AATF: variants seen among roughly 807,000 people sequenced by gnomAD.
AATF encodes the protein protein AATF.
AATF carries 48 observed loss-of-function variants against 63.7 expected under a neutral mutation model. The ratio of observed to expected loss-of-function variants is 0.75; its 90% confidence interval spans 0.60 to 0.96. AATF has a LOEUF of 0.96. AATF is among the 40% of genes least tolerant of loss of function. The pLI is 0.00. For missense variants in AATF, 639 were observed against 685.7 expected, an observed-to-expected ratio of 0.93 and a Z score of 0.76; for synonymous variants, 258 against 247.7, an observed-to-expected ratio of 1.04 and a Z score of -0.39.
At chr17:37,002,063 G>C (rs545789039) in intron 8 of AATF, among the ~76,000 whole-genome samples, 1 of 151,888 alleles carries the variant, frequency 6.6e-6, no homozygotes, top group African/African-American at 2.4e-5. Flanking sequence ...TTAGCCAGGC[G>C]TGGTGGTGTA....
intron 8 of AATF, among the ~76,000 whole-genome samples, chr17:37,018,118 A>C (rs1488493869): frequency 6.6e-6 from 1 of 152,256 alleles, no homozygotes; most frequent in East Asian, 1.9e-4. Context: ...CTTTCTCTGC[A>C]TATAGCACTT....
chr17:36,970,347 C>G (rs2071029367), intron 4 of AATF, among the ~76,000 whole-genome samples: 1 of 152,160 alleles, frequency 6.6e-6, no homozygotes, highest in Non-Finnish European at 1.5e-5. Context: ...GCTATCCTGT[C>G]TCTCATTCTT....
At chr17:37,049,181 G>A (rs1013824319) in intron 11 of AATF, among the ~76,000 whole-genome samples, 6 of 152,154 alleles carry the variant, frequency 3.9e-5, no homozygotes, top group African/African-American at 1.4e-4. Flanking sequence ...AACCAACTCT[G>A]ACAGCACCTT....
At chr17:37,018,803 T>C (rs1221182076) in intron 8 of AATF, 3 of 573,188 alleles carry the variant, frequency 5.2e-6, no homozygotes, top group Admixed American at 6.4e-5. Flanking sequence ...TGTTCTCAGC[T>C]ACTGCTATAG....
intron 11 of AATF, among the ~76,000 whole-genome samples, chr17:37,040,158 C>G (rs1357179890): frequency 6.6e-6 from 1 of 152,120 alleles, no homozygotes; most frequent in East Asian, 1.9e-4. Flanking sequence ...TTAATCACAG[C>G]TAAGTAACTG....
chr17:36,985,720 A>G (rs1289617219), intron 4 of AATF, among the ~76,000 whole-genome samples: 1 of 145,732 alleles, frequency 6.9e-6, no homozygotes, highest in Non-Finnish European at 1.5e-5. Context: ...ATTTTTTTGT[A>G]TTTTTTTTTT....
intron 4 of AATF, among the ~76,000 whole-genome samples, chr17:36,975,282 T>C (rs748440892): frequency 3.3e-5 from 5 of 152,174 alleles, no homozygotes; most frequent in Non-Finnish European, 5.9e-5. Flanking sequence ...ATTTGCTTTT[T>C]TTTCTTTTTG....
chr17:36,956,994 G>C (rs1218479428), intron 4 of AATF, among the ~76,000 whole-genome samples: 4 of 151,948 alleles, frequency 2.6e-5, no homozygotes, highest in African/African-American at 7.3e-5. Flanking sequence ...AAAAAAGAGA[G>C]AGAGAGAGAA....
intron 11 of AATF, among the ~76,000 whole-genome samples, chr17:37,050,925 G>T (rs1051836854): frequency 6.6e-6 from 1 of 152,174 alleles, no homozygotes; most frequent in Non-Finnish European, 1.5e-5. Context: ...GGCAAATTAT[G>T]TGTATCATTT....
intron 10 of AATF, 105 bp from the exon 11 acceptor site, chr17:37,031,509 A>G: frequency 1.1e-6 from 1 of 943,490 alleles, no homozygotes; most frequent in East Asian, 2.4e-5. Flanking sequence ...TTGTACCCAG[A>G]TGTTCCAGTG....
At chr17:37,056,191 T>C (rs2071796476) in intron 11 of AATF, 1 of 163,476 alleles carries the variant, frequency 6.1e-6, no homozygotes, top group African/African-American at 2.4e-5. Context: ...ATTTTCATTG[T>C]TTTTCAAGTA....
intron 8 of AATF, among the ~76,000 whole-genome samples, chr17:37,003,558 C>T: frequency 6.7e-6 from 1 of 150,004 alleles, no homozygotes; most frequent in African/African-American, 2.5e-5. Flanking sequence ...CTTCTGCCTC[C>T]CAGGCTCAAG....
At chr17:36,987,776 G>A (rs530717494) in intron 5 of AATF, among the ~76,000 whole-genome samples, 1 of 152,272 alleles carries the variant, frequency 6.6e-6, no homozygotes, top group Admixed American at 6.5e-5. Context: ...CTTGTATTTG[G>A]TTCAACTAAT....
intron 4 of AATF, among the ~76,000 whole-genome samples, chr17:36,966,597 A>T (rs1019317023): frequency 2.0e-5 from 3 of 152,028 alleles, no homozygotes; most frequent in Non-Finnish European, 4.4e-5. Context: ...CATATTTTTA[A>T]TCTTTAAGGG....
At chr17:37,056,252 C>T (rs2071796862) in intron 11 of AATF, 1 of 222,948 alleles carries the variant, frequency 4.5e-6, no homozygotes, top group African/African-American at 2.3e-5. Flanking sequence ...CCCCTACATC[C>T]CATGTCTGAT....
chr17:37,010,444 C>T (rs564404308), intron 8 of AATF, among the ~76,000 whole-genome samples: 217 of 152,178 alleles, frequency 1.4e-3, no homozygotes, highest in African/African-American at 4.7e-3. Context: ...GGCGACAGAG[C>T]GAGACTCCAT....
intron 11 of AATF, 22 bp from the exon 12 acceptor site, chr17:37,056,579 G>C (rs948695388): frequency 1.2e-6 from 2 of 1,613,872 alleles, no homozygotes; most frequent in Non-Finnish European, 1.7e-6. Flanking sequence ...GTGTTAACCA[G>C]TTTGCTGTGT....
At chr17:36,995,553 T>C (rs1399656708) in intron 8 of AATF, among the ~76,000 whole-genome samples, 1 of 152,090 alleles carries the variant, frequency 6.6e-6, no homozygotes, top group Non-Finnish European at 1.5e-5. Context: ...TTGTTTTTAT[T>C]TATCGATTTA....
At chr17:37,016,981 G>A (rs145739090) in intron 8 of AATF, among the ~76,000 whole-genome samples, 5 of 152,362 alleles carry the variant, frequency 3.3e-5, no homozygotes, top group East Asian at 3.9e-4. Context: ...ACTTGTGTGC[G>A]AAAATGCAGC....
Sources: allele counts gnomAD v4.1 joint callset (sites outside exome capture counted in the v4.1 genomes callset), GRCh38; gene constraint gnomAD v4.1.1; transcripts MANE v1.5; gene names NCBI Gene and HGNC (gene_info 2026-07-23, HGNC 2026-07-21).